Variants in KIF11 observed in about 807,000 individuals in gnomAD.
KIF11 encodes the protein kinesin family member 11, also known as kinesin-like protein KIF11.
In KIF11, 9 loss-of-function variants were observed where a neutral mutation model predicts 121.0. That is an observed-to-expected ratio of 0.07 (90% CI 0.04 to 0.13). KIF11 has a LOEUF of 0.13. Ranked by LOEUF, KIF11 falls within the 10% of genes least tolerant of loss-of-function variation. The pLI is 1.00. For synonymous variants in KIF11, 408 were observed against 421.0 expected, an observed-to-expected ratio of 0.97 and a Z score of 0.38; for missense variants, 846 against 1,217.5, an observed-to-expected ratio of 0.69 and a Z score of 4.54.
At chr10:92,651,961 CTTTTT>C (rs36000362) in intron 21 of KIF11, among the ~76,000 whole-genome samples, 5 of 102,550 alleles carry the variant, frequency 4.9e-5, no homozygotes, top group East Asian at 3.6e-4. Context: ...ATGCTTGTAC[CTTTTT>C]TTTTTTTTTT....
At chr10:92,640,346 AG>A (rs1337809741) in intron 17 of KIF11, among the ~76,000 whole-genome samples, 3 of 152,230 alleles carry the variant, frequency 2.0e-5, no homozygotes, top group Non-Finnish European at 4.4e-5. Flanking sequence ...CATTGCATCC[AG>A]GTCATTGAAC....
chr10:92,596,819 C>T, intron 1 of KIF11: 1 of 156,788 alleles, frequency 6.4e-6, no homozygotes, highest in Non-Finnish European at 1.4e-5. Flanking sequence ...TGCCTTTTTA[C>T]TCATTGATAC....
chr10:92,650,296 T>A, intron 20 of KIF11, 105 bp from the exon 21 acceptor site: 1 of 701,250 alleles, frequency 1.4e-6, no homozygotes, highest in East Asian at 2.5e-5. Flanking sequence ...GAGGTTTAAC[T>A]TTTATATTAT....
chr10:92,641,010 A>G (rs1844860137), intron 17 of KIF11, among the ~76,000 whole-genome samples: 1 of 152,148 alleles, frequency 6.6e-6, no homozygotes, highest in South Asian at 2.1e-4. Flanking sequence ...GGCCTCCCAA[A>G]GTGCTGGGAT....
chr10:92,593,890 GT>G (rs1392728262), intron 1 of KIF11, among the ~76,000 whole-genome samples: 1 of 152,148 alleles, frequency 6.6e-6, no homozygotes. Context: ...AAACATCTCT[GT>G]CTTTAAACAT....
chr10:92,602,925 G>A (rs532902917), intron 1 of KIF11, among the ~76,000 whole-genome samples: 7 of 150,704 alleles, frequency 4.6e-5, no homozygotes, highest in South Asian at 4.2e-4. Context: ...GCGCGATCTC[G>A]GCTCACTGCA....
At chr10:92,611,232 A>C (rs1369689051) in intron 6 of KIF11, among the ~76,000 whole-genome samples, 1 of 151,910 alleles carries the variant, frequency 6.6e-6, no homozygotes, top group Non-Finnish European at 1.5e-5. Flanking sequence ...ATTATTTTTG[A>C]GACAGAGCCT....
At chr10:92,627,576 GTTTTT>G (rs1408147649) in intron 10 of KIF11, among the ~76,000 whole-genome samples, 1 of 151,840 alleles carries the variant, frequency 6.6e-6, no homozygotes. Context: ...TTTCTTTTAT[GTTTTT>G]CTTTCCTTTG....
At chr10:92,597,650 G>T (rs1002209994) in intron 1 of KIF11, among the ~76,000 whole-genome samples, 1 of 151,686 alleles carries the variant, frequency 6.6e-6, no homozygotes, top group East Asian at 1.9e-4. Flanking sequence ...TTGTTTGTTT[G>T]TTTGTTTGTT....
chr10:92,604,865 A>G (rs1275397362), intron 1 of KIF11, among the ~76,000 whole-genome samples: 1 of 152,188 alleles, frequency 6.6e-6, no homozygotes, highest in African/African-American at 2.4e-5. Flanking sequence ...TTTTCCCATA[A>G]TTCCTCTTAG....
intron 9 of KIF11, among the ~76,000 whole-genome samples, chr10:92,620,916 TG>T (rs1311223131): frequency 6.6e-6 from 1 of 152,230 alleles, no homozygotes; most frequent in East Asian, 1.9e-4. Flanking sequence ...GAGATTTAGG[TG>T]GGGACACAGA....
At chr10:92,614,442 A>C (rs1425599028) in intron 8 of KIF11, among the ~76,000 whole-genome samples, 2 of 152,202 alleles carry the variant, frequency 1.3e-5, no homozygotes, top group African/African-American at 4.8e-5. Context: ...TGGACATTGC[A>C]TATGAATATA....
intron 10 of KIF11, among the ~76,000 whole-genome samples, chr10:92,626,904 T>C (rs1263670511): frequency 6.6e-6 from 1 of 151,974 alleles, no homozygotes; most frequent in Admixed American, 6.6e-5. Context: ...GGACTACAGG[T>C]GCCCGCCACC....
intron 1 of KIF11, among the ~76,000 whole-genome samples, chr10:92,603,290 A>T (rs1844395419): frequency 1.7e-5 from 2 of 118,350 alleles, no homozygotes; most frequent in African/African-American, 3.3e-5. Context: ...TTTGAGACAG[A>T]GTCTCGCTCT....
At chr10:92,631,295 GAAAAA>G (rs201439676) in intron 12 of KIF11, among the ~76,000 whole-genome samples, 1 of 97,476 alleles carries the variant, frequency 1.0e-5, no homozygotes, top group African/African-American at 3.1e-5. Context: ...CTCTGTTTCA[GAAAAA>G]AAAAAAAAAA....
chr10:92,626,689 C>G (rs1183838995), intron 10 of KIF11, among the ~76,000 whole-genome samples: 1 of 152,170 alleles, frequency 6.6e-6, no homozygotes, highest in Admixed American at 6.5e-5. Context: ...TACCCCTTGG[C>G]ATTCACTATA....
chr10:92,652,006 T>C (rs961768823), intron 21 of KIF11, among the ~76,000 whole-genome samples: 19 of 148,188 alleles, frequency 1.3e-4, no homozygotes, highest in African/African-American at 4.7e-4. Flanking sequence ...AGAGAGGGTC[T>C]TGCTATGTTG....
intron 15 of KIF11, 23 bp from the exon 16 acceptor site, chr10:92,637,364 A>C: frequency 6.3e-7 from 1 of 1,578,546 alleles, no homozygotes. Flanking sequence ...TTAAGAAGGA[A>C]ACTCATTTTT....
chr10:92,605,593 TCTC>T lies in KIF11; in HGVS notation c.78-669_78-667del, dbSNP rs543199634. Reference sequence around the variant, plus strand: ...CCTCCACCTCCCAGGTTCAAGCAATTCTCCTGCCTCAGCCTCCCGAGTAGCAGG... The same window carrying T: ...CCTCCACCTCCCAGGTTCAAGCAATTCTGCCTCAGCCTCCCGAGTAGCAGG... On this transcript the variant is annotated intron_variant, in intron 1 of 21. Coordinates refer to ENST00000260731, the MANE Select transcript of KIF11 (RefSeq NM_004523.4). Among the ~76,000 whole-genome samples the T allele has an allele frequency of 4.2e-4, 63 of 150,190 alleles. 1 individual carries two copies. The highest frequency in any genetic ancestry group is 1.5e-3 in the African/African-American group (60 of 40,386).
Sources: gnomAD v4.1 joint callset for allele counts (sites outside exome capture counted in the v4.1 genomes callset) on GRCh38, gnomAD v4.1.1 for gene constraint, MANE v1.5 for transcripts, NCBI Gene and HGNC (gene_info 2026-07-23, HGNC 2026-07-21) for gene names.